The following NAT10 variants were observed in gnomAD, a reference collection of about 807,000 sequenced individuals.
NAT10 encodes the protein N-acetyltransferase 10.
In NAT10, 109 loss-of-function variants were observed where a neutral mutation model predicts 132.2. That is an observed-to-expected ratio of 0.82 (90% confidence interval 0.71 to 0.97). The LOEUF is 0.97. Ranked by LOEUF, NAT10 falls within the 50% of genes least tolerant of loss-of-function variation. The probability of loss-of-function intolerance (pLI) is 0.00; values close to 1 mark genes in which losing one functional copy is unlikely to be tolerated. For missense variants in NAT10, 1,184 were observed against 1,263.4 expected (o/e 0.94, Z 0.95); for synonymous variants, 479 against 478.0 (o/e 1.00, Z -0.03).
chr11:34,131,596 C>G, intron 14 of NAT10, 65 bp downstream of exon 14: 1 of 1,489,926 alleles, frequency 6.7e-7, no homozygotes, highest in Non-Finnish European at 9.0e-7. Flanking sequence ...ATTCAAAGGA[C>G]TTGAGTCCTT....
At chr11:34,112,868 C>A (rs1425795742) in intron 4 of NAT10, among the ~76,000 whole-genome samples, 1 of 152,182 alleles carries the variant, frequency 6.6e-6, no homozygotes, top group African/African-American at 2.4e-5. Flanking sequence ...TGCCACCTCC[C>A]TTCCCCATTC....
chr11:34,140,612 T>A (rs367916097), intron 24 of NAT10, 40 bp downstream of exon 24: 1 of 1,592,770 alleles, frequency 6.3e-7, no homozygotes, highest in Non-Finnish European at 8.6e-7. Context: ...AAGCGAGGAT[T>A]GTGGAGCTGT....
intron 21 of NAT10, among the ~76,000 whole-genome samples, chr11:34,138,716 C>T (rs1368114505): frequency 3.9e-5 from 6 of 152,072 alleles, no homozygotes. Context: ...TAAAAATAGT[C>T]ACAATTTTAA....
intron 14 of NAT10, 83 bp from the exon 15 acceptor site, chr11:34,132,042 C>T (rs901755360): frequency 1.1e-5 from 11 of 1,017,508 alleles, no homozygotes; most frequent in African/African-American, 1.6e-5. Context: ...TTCCCAGCTA[C>T]GGAAATTTGT....
chr11:34,134,615 C>T (rs555890874), intron 18 of NAT10, 29 bp downstream of exon 18: 41 of 1,609,108 alleles, frequency 2.5e-5, no homozygotes, highest in African/African-American at 6.7e-5. Context: ...CCCCTGAAGC[C>T]GTGTTGCTGG....
chr11:34,146,267 G>A lies in NAT10; in HGVS notation c.*75G>A, dbSNP rs190974802. The A allele has an allele frequency of 1.7e-6, 2 of 1,165,470 alleles. No individual in the cohort carries two copies. Among genetic ancestry groups the A allele is most frequent in the African/African-American group, 1.6e-5 (1 of 64,054 alleles). 72.2% of individuals were successfully genotyped at this position (1,165,470 alleles called of 1,614,324 possible). ...TAACTGAACCCTCTCTGGCTGGACT[G>A]TTAAAAGCAACGAGAGGCCCCGGCA... On this transcript the variant is annotated 3_prime_UTR_variant, in exon 29 of 29. Transcript: ENST00000257829.
intron 4 of NAT10, among the ~76,000 whole-genome samples, chr11:34,113,311 A>G (rs1851727100): frequency 6.6e-6 from 1 of 152,220 alleles, no homozygotes; most frequent in Non-Finnish European, 1.5e-5. Flanking sequence ...CATTTTTGAC[A>G]TATAAAACTA....
intron 5 of NAT10, among the ~76,000 whole-genome samples, chr11:34,114,406 CAAGTTTT>C (rs1256855447): frequency 2.6e-5 from 4 of 151,878 alleles, no homozygotes; most frequent in Non-Finnish European, 5.9e-5. Flanking sequence ...TGTTCAGAGG[CAAGTTTT>C]AAGTCATGCC....
intron 20 of NAT10, 45 bp from the exon 21 acceptor site, chr11:34,136,933 C>T (rs772162856): frequency 6.2e-7 from 1 of 1,613,178 alleles, no homozygotes; most frequent in Non-Finnish European, 8.5e-7. Flanking sequence ...TCAGCCACTC[C>T]CCAGAGGCCA....
At chr11:34,125,653 C>T (rs1167506281) in intron 11 of NAT10, among the ~76,000 whole-genome samples, 2 of 152,158 alleles carry the variant, frequency 1.3e-5, no homozygotes. Flanking sequence ...TGAGGATGTA[C>T]ATTCTGCTGC....
At chr11:34,112,247 G>T in intron 4 of NAT10, 24 bp downstream of exon 4, 1 of 1,613,898 alleles carries the variant, frequency 6.2e-7, no homozygotes, top group Non-Finnish European at 8.5e-7. Flanking sequence ...TCTAACCTGT[G>T]ATTGAAGTCA....
At chr11:34,144,995 A>G (rs1852412742) in intron 28 of NAT10, among the ~76,000 whole-genome samples, 1 of 152,222 alleles carries the variant, frequency 6.6e-6, no homozygotes, top group Non-Finnish European at 1.5e-5. Context: ...TGCCGGCCTC[A>G]TTTCCCAGAT....
rs776160620 is a variant in NAT10 at position 34,113,701 on chromosome 11, G to GC, written c.373-10dup. The GC allele has an allele frequency of 8.3e-6, 13 of 1,562,556 alleles. No homozygotes were observed. Among genetic ancestry groups the GC allele is most frequent in the Non-Finnish European group, 1.1e-5 (13 of 1,149,944 alleles). The stretch of plus-strand genomic sequence containing the variant: ...ATTTGCATGACCAGCCCTTTCTAAC[G>GC]CCCCCTTCTTCCAGGATTTTGAAGC... On this transcript the variant is annotated splice_polypyrimidine_tract_variant and intron_variant, in intron 4 of 28. Transcript: ENST00000257829.
chr11:34,106,760 G>T (rs1851600960), intron 1 of NAT10, among the ~76,000 whole-genome samples: 1 of 152,054 alleles, frequency 6.6e-6, no homozygotes, highest in African/African-American at 2.4e-5. Flanking sequence ...TCTCCTTTAC[G>T]TATAAATTGG....
At chr11:34,139,582 G>A (rs1040827113) in intron 23 of NAT10, 87 bp downstream of exon 23, 14 of 1,158,410 alleles carry the variant, frequency 1.2e-5, no homozygotes, top group Non-Finnish European at 1.8e-5. Context: ...GGTTTGGGCT[G>A]GAAATTGAGG....
intron 6 of NAT10, among the ~76,000 whole-genome samples, chr11:34,116,686 C>G (rs1851789408): frequency 6.6e-6 from 1 of 152,164 alleles, no homozygotes; most frequent in Non-Finnish European, 1.5e-5. Flanking sequence ...CCTCTGCCTC[C>G]CGCATTCAAG....
rs145938592 is a variant in NAT10, at chr11:34,131,313, C to G, written c.1370-68C>G. 722 of 1,525,698 alleles carry G rather than the reference C, an allele frequency of 4.7e-4. 4 individuals carry two copies. The African/African-American group carries it at 8.5e-3, about 18-fold the overall frequency. 94.5% of individuals were successfully genotyped at this position (1,525,698 alleles called of 1,614,324 possible). On this transcript the variant is annotated intron_variant, in intron 13 of 28. Transcript: ENST00000257829. ...ACAAATATAAAGTGAAACATTTTTC[C>G]TTGCTTTTTTAGACAATACATATTT...
chr11:34,118,560 C>T (rs1049004859), intron 8 of NAT10, 57 bp downstream of exon 8: 15 of 1,437,756 alleles, frequency 1.0e-5, no homozygotes, highest in African/African-American at 4.2e-5. Flanking sequence ...GCATACGGAG[C>T]GTAACAGAAG....
At chr11:34,115,713 T>C in intron 5 of NAT10, 110 bp from the exon 6 acceptor site, 1 of 1,028,370 alleles carries the variant, frequency 9.7e-7, no homozygotes, top group Admixed American at 2.2e-5. Flanking sequence ...GGAGTGATTT[T>C]GTTTCCAGCA....
Sources: allele counts gnomAD v4.1 joint callset (sites outside exome capture counted in the v4.1 genomes callset), GRCh38; gene constraint gnomAD v4.1.1; transcripts MANE v1.5; gene names NCBI Gene and HGNC (gene_info 2026-07-23, HGNC 2026-07-21).